PTBP2: variants seen among roughly 807,000 people sequenced by gnomAD.
PTBP2 encodes polypyrimidine tract binding protein 2.
A neutral mutation model predicts 61.4 loss-of-function variants in PTBP2; 13 were observed. That is an observed-to-expected ratio of 0.21 (90% CI 0.14 to 0.34). The LOEUF is 0.34. Ranked by LOEUF, PTBP2 falls within the 10% of genes least tolerant of loss-of-function variation. The pLI, the probability that PTBP2 is intolerant of heterozygous loss-of-function variation, is 1.00. For synonymous variants in PTBP2, 215 were observed against 218.5 expected (o/e 0.98, Z 0.14); for missense variants, 405 against 642.6 (o/e 0.63, Z 4.00).
At chr1:96,812,675 G>C in intron 11 of PTBP2, 37 bp from the exon 12 acceptor site, 2 of 1,410,672 alleles carry the variant, frequency 1.4e-6, no homozygotes, top group Non-Finnish European at 2.0e-6. Context: ...TTTGAGCTTT[G>C]ATATTGTTTG....
chr1:96,801,861 CA>C (rs397861502), intron 8 of PTBP2, among the ~76,000 whole-genome samples: 5,612 of 75,490 alleles, frequency 0.074, 310 homozygotes, highest in African/African-American at 0.21. Context: ...GACTCCATCT[CA>C]AAAAAAAAAA....
intron 1 of PTBP2, among the ~76,000 whole-genome samples, chr1:96,722,380 T>C (rs1649717205): frequency 6.7e-6 from 1 of 148,468 alleles, no homozygotes; most frequent in Non-Finnish European, 1.5e-5. Context: ...CGGCCCTCCG[T>C]GGTCGGGAGA....
intron 2 of PTBP2, among the ~76,000 whole-genome samples, chr1:96,746,365 G>T (rs894255168): frequency 2.6e-5 from 4 of 152,006 alleles, no homozygotes; most frequent in Admixed American, 6.6e-5. Flanking sequence ...TAACAATTTG[G>T]TGTGTAGTAT....
intron 2 of PTBP2, among the ~76,000 whole-genome samples, chr1:96,735,875 G>C (rs1570722655): frequency 6.6e-6 from 1 of 152,118 alleles, no homozygotes; most frequent in Non-Finnish European, 1.5e-5. Flanking sequence ...TGAGCTATAT[G>C]AGTTCTTAGA....
intron 5 of PTBP2, among the ~76,000 whole-genome samples, chr1:96,773,143 AAAAG>A (rs1402989390): frequency 3.3e-5 from 5 of 149,282 alleles, no homozygotes; most frequent in Admixed American, 6.7e-5. Flanking sequence ...AAAAAAAAAA[AAAAG>A]AGTAAAGCTG....
chr1:96,754,660 A>G (rs1654957930), intron 3 of PTBP2, among the ~76,000 whole-genome samples: 1 of 152,182 alleles, frequency 6.6e-6, no homozygotes. Context: ...ATAAAGATAA[A>G]TAGGTCAGTG....
intron 2 of PTBP2, among the ~76,000 whole-genome samples, chr1:96,744,576 A>C (rs1434211767): frequency 3.9e-5 from 6 of 152,174 alleles, no homozygotes; most frequent in Admixed American, 2.0e-4. Context: ...GGATAGCTTT[A>C]TTTGTGGGAA....
At chr1:96,769,255 C>T (rs1657107552) in intron 3 of PTBP2, among the ~76,000 whole-genome samples, 1 of 151,864 alleles carries the variant, frequency 6.6e-6, no homozygotes, top group Non-Finnish European at 1.5e-5. Context: ...AGTTGCAACA[C>T]AGTAATAAGT....
intron 5 of PTBP2, among the ~76,000 whole-genome samples, chr1:96,774,268 T>C (rs530993356): frequency 1.8e-4 from 27 of 152,298 alleles, no homozygotes; most frequent in African/African-American, 6.5e-4. Context: ...TGTTCGTCTG[T>C]TTTTCACCCA....
At chr1:96,753,371 T>A (rs1356538050) in intron 3 of PTBP2, among the ~76,000 whole-genome samples, 3 of 152,008 alleles carry the variant, frequency 2.0e-5, no homozygotes, top group South Asian at 4.1e-4. Flanking sequence ...TCTATAAGAC[T>A]GAGATAAAAA....
At chr1:96,810,215 A>G (rs1232853024) in intron 11 of PTBP2, among the ~76,000 whole-genome samples, 1 of 152,188 alleles carries the variant, frequency 6.6e-6, no homozygotes, top group African/African-American at 2.4e-5. Context: ...ATTGTGAAAC[A>G]TTGACTTTTT....
chr1:96,790,862 T>G (rs942949313), intron 8 of PTBP2, among the ~76,000 whole-genome samples: 1 of 151,876 alleles, frequency 6.6e-6, no homozygotes, highest in African/African-American at 2.4e-5. Context: ...AGGAAGGGGG[T>G]GGGGTGGATA....
chr1:96,823,682 T>G (rs2101332059), exon 14 of PTBP2: 1 of 152,300 alleles, frequency 6.6e-6, no homozygotes, highest in Non-Finnish European at 1.5e-5. Context: ...TCTCTCCACC[T>G]GCTATCTACT....
intron 8 of PTBP2, among the ~76,000 whole-genome samples, chr1:96,797,610 T>C (rs1660523174): frequency 6.6e-6 from 1 of 152,078 alleles, no homozygotes; most frequent in African/African-American, 2.4e-5. Flanking sequence ...CCCCACCCTC[T>C]GACCCCATAC....
intron 8 of PTBP2, among the ~76,000 whole-genome samples, chr1:96,786,288 TAA>T (rs1231219166): frequency 6.6e-6 from 1 of 152,158 alleles, no homozygotes; most frequent in Non-Finnish European, 1.5e-5. Flanking sequence ...TGGTAACTAA[TAA>T]GAATTAACTA....
chr1:96,816,460 AATT>A (rs1040901900), downstream of PTBP2: 22 of 152,224 alleles, frequency 1.4e-4, no homozygotes, highest in African/African-American at 5.3e-4. Context: ...TAATCAGAAA[AATT>A]ATTTTTTGGT....
Position 96,736,468 on chromosome 1 carries a change from AGTT to A in PTBP2, c.39+12875_39+12877del, listed in dbSNP as rs1402007648. On this transcript the variant is annotated intron_variant, in intron 2 of 13. Coordinates refer to ENST00000674951, the MANE Select transcript of PTBP2 (RefSeq NM_021190.4). ...TAGTATTGATTGGAGCTGTGTTGTC[AGTT>A]ACAGTAGCTACTAGTCATTTGTTAC... 3.3e-5 allele frequency among the ~76,000 whole-genome samples: 5 copies of A among 152,240 alleles called. No homozygotes were observed. The East Asian group carries it at 9.7e-4, about 29-fold the overall frequency.
chr1:96,807,289 G>C (rs915492860), intron 11 of PTBP2, among the ~76,000 whole-genome samples: 1 of 152,098 alleles, frequency 6.6e-6, no homozygotes, highest in Non-Finnish European at 1.5e-5. Flanking sequence ...GAGGCTAACT[G>C]TTCATACAGT....
intron 3 of PTBP2, among the ~76,000 whole-genome samples, chr1:96,761,782 C>T (rs1211565578): frequency 2.0e-5 from 3 of 151,562 alleles, no homozygotes; most frequent in South Asian, 2.1e-4. Context: ...GGGTGTTTCT[C>T]GCAGAGGGGG....
Sources: allele counts gnomAD v4.1 joint callset (sites outside exome capture counted in the v4.1 genomes callset), GRCh38; gene constraint gnomAD v4.1.1; transcripts MANE v1.5; gene names NCBI Gene and HGNC (gene_info 2026-07-23, HGNC 2026-07-21).